SLC39A11: variants seen among roughly 807,000 people sequenced by gnomAD.
The protein encoded by SLC39A11 is zinc transporter ZIP11.
A neutral mutation model predicts 36.1 loss-of-function variants in SLC39A11; 33 were observed. The ratio of observed to expected loss-of-function variants is 0.91; its 90% CI spans 0.69 to 1.22. The LOEUF (loss-of-function observed/expected upper bound fraction) is 1.22. Ranked by LOEUF, SLC39A11 falls within the 50% of genes most tolerant of loss-of-function variation. The pLI, the probability that SLC39A11 is intolerant of heterozygous loss-of-function variation, is 0.00. For missense variants in SLC39A11, 432 were observed against 430.3 expected (o/e 1.00, Z -0.03); for synonymous variants, 166 against 170.3 (o/e 0.97, Z 0.20).
chr17:72,924,179 A>C (rs1353839668), intron 5 of SLC39A11, among the ~76,000 whole-genome samples: 5 of 88,152 alleles, frequency 5.7e-5, no homozygotes, highest in East Asian at 4.1e-4. Flanking sequence ...TTTTTTTTTT[A>C]AGGAAAGATG....
At chr17:72,901,409 C>T (rs1376268363) in intron 5 of SLC39A11, among the ~76,000 whole-genome samples, 2 of 152,070 alleles carry the variant, frequency 1.3e-5, no homozygotes, top group African/African-American at 4.8e-5. Flanking sequence ...AGAGCCCTGC[C>T]CTCTTGAGCT....
intron 5 of SLC39A11, among the ~76,000 whole-genome samples, chr17:72,923,935 A>C (rs9889439): frequency 6.6e-6 from 1 of 151,244 alleles, no homozygotes; most frequent in African/African-American, 2.4e-5. Flanking sequence ...TTTTGAGCCC[A>C]GGAGTTCAAG....
At chr17:72,997,275 A>G (rs1388415685) in intron 4 of SLC39A11, among the ~76,000 whole-genome samples, 1 of 152,048 alleles carries the variant, frequency 6.6e-6, no homozygotes, top group Non-Finnish European at 1.5e-5. Flanking sequence ...TTTTTTTGAG[A>G]TGGAGTCTCG....
At chr17:72,716,992 T>TATATACAC (rs773086532) in intron 7 of SLC39A11, among the ~76,000 whole-genome samples, 31 of 126,446 alleles carry the variant, frequency 2.5e-4, no homozygotes, top group African/African-American at 6.4e-4. Context: ...TATATATATA[T>TATATACAC]ACACACACAC....
At chr17:72,982,561 G>C (rs2088406088) in intron 4 of SLC39A11, among the ~76,000 whole-genome samples, 1 of 152,082 alleles carries the variant, frequency 6.6e-6, no homozygotes, top group Non-Finnish European at 1.5e-5. Flanking sequence ...CGTCTATTTT[G>C]CAAAAACCTT....
At position 72,941,077 on chromosome 17, in the gene SLC39A11, G is replaced by A. The variant is rs191881694; in HGVS notation, c.430+6675C>T. 5.8e-4 allele frequency among the ~76,000 whole-genome samples: 88 copies of A among 152,030 alleles called. 1 individual carries two copies. Among genetic ancestry groups the A allele is most frequent in the African/African-American group, 2.1e-3 (86 of 41,436 alleles). ...GCTTGAGCCCAGGAGTTCAAGACCA[G>A]CCTGGGCAACACGGCAAAATGCCAT... On this transcript the variant is annotated intron_variant, in intron 5 of 9. Transcript: ENST00000255559.
At position 72,647,387 on chromosome 17, in the gene SLC39A11, T is replaced by C; in HGVS notation, c.*197A>G. 4.5e-6 allele frequency: 2 copies of C among 442,126 alleles called. No individual in the cohort carries two copies. Among genetic ancestry groups the C allele is most frequent in the South Asian group, 7.7e-5 (2 of 25,916 alleles). The allele number at this position is 442,126 out of a possible 1,614,324, so 27.4% of individuals were successfully genotyped here. On this transcript the variant is annotated 3_prime_UTR_variant, in exon 10 of 10. Coordinates refer to ENST00000255559, the MANE Select transcript of SLC39A11 (RefSeq NM_139177.4). Reference sequence around the variant, plus strand: ...TCTGTATTTCCATGACACCTTAAAATTCCCCATTAAATCAAAAATCTCCCT... The same window carrying C: ...TCTGTATTTCCATGACACCTTAAAACTCCCCATTAAATCAAAAATCTCCCT...
chr17:72,735,068 C>T (rs2143947160), intron 7 of SLC39A11, among the ~76,000 whole-genome samples: 1 of 152,210 alleles, frequency 6.6e-6, no homozygotes, highest in African/African-American at 2.4e-5. Context: ...AAGGCTCTGC[C>T]CTCCTTGTCT....
chr17:73,015,657 C>T (rs1269689956), intron 4 of SLC39A11, among the ~76,000 whole-genome samples: 1 of 152,086 alleles, frequency 6.6e-6, no homozygotes, highest in Non-Finnish European at 1.5e-5. Context: ...GATCTTGGCT[C>T]ACTGCAACCC....
At chr17:73,029,541 G>A (rs1175723194) in intron 4 of SLC39A11, among the ~76,000 whole-genome samples, 2 of 152,044 alleles carry the variant, frequency 1.3e-5, no homozygotes, top group Non-Finnish European at 2.9e-5. Context: ...TCGGCAGCAA[G>A]GAAGCCACAT....
At chr17:72,902,854 A>G (rs931873143) in intron 5 of SLC39A11, among the ~76,000 whole-genome samples, 24 of 152,332 alleles carry the variant, frequency 1.6e-4, no homozygotes, top group African/African-American at 5.1e-4. Flanking sequence ...GCACCATTAC[A>G]GAACTATTAT....
intron 6 of SLC39A11, among the ~76,000 whole-genome samples, chr17:72,769,339 G>C (rs892924753): frequency 2.0e-5 from 3 of 152,142 alleles, no homozygotes; most frequent in Non-Finnish European, 4.4e-5. Context: ...AAAAACCCGT[G>C]CATTACATAC....
At chr17:72,712,312 G>T (rs1007631786) in intron 7 of SLC39A11, among the ~76,000 whole-genome samples, 1 of 152,172 alleles carries the variant, frequency 6.6e-6, no homozygotes, top group Admixed American at 6.5e-5. Context: ...CTAGCCTGCC[G>T]GGGGATAACA....
intron 4 of SLC39A11, among the ~76,000 whole-genome samples, chr17:73,010,775 C>T (rs59067019): frequency 0.065 from 9,867 of 152,246 alleles, 385 homozygotes; most frequent in Middle Eastern, 0.092. Flanking sequence ...TTGTCTCCTG[C>T]GTGTTTAATT....
intron 5 of SLC39A11, among the ~76,000 whole-genome samples, chr17:72,883,239 G>C (rs901169774): frequency 5.3e-5 from 8 of 152,180 alleles, no homozygotes; most frequent in African/African-American, 1.7e-4. Context: ...ACGCAGAGCA[G>C]GCCTCCTACT....
chr17:73,060,779 T>C (rs896002130), intron 3 of SLC39A11, among the ~76,000 whole-genome samples: 2 of 152,168 alleles, frequency 1.3e-5, no homozygotes, highest in Non-Finnish European at 1.5e-5. Context: ...TTACAATTTT[T>C]AGAAATTTGA....
intron 7 of SLC39A11, among the ~76,000 whole-genome samples, chr17:72,714,287 C>A (rs186959119): frequency 2.0e-4 from 31 of 152,034 alleles, no homozygotes; most frequent in African/African-American, 7.5e-4. Context: ...ACCTGGGAGG[C>A]GGAGGTTGCA....
chr17:72,950,675 G>C (rs566889263), intron 4 of SLC39A11, among the ~76,000 whole-genome samples: 2 of 152,290 alleles, frequency 1.3e-5, no homozygotes, highest in African/African-American at 4.8e-5. Flanking sequence ...GGAATAAAAG[G>C]AGAACCATTT....
At chr17:72,889,514 G>A (rs2081613992) in intron 5 of SLC39A11, among the ~76,000 whole-genome samples, 1 of 136,540 alleles carries the variant, frequency 7.3e-6, no homozygotes, top group African/African-American at 2.8e-5. Flanking sequence ...TCCAGCCTGG[G>A]TGACAGAGGG....
Sources: allele counts gnomAD v4.1 joint callset (sites outside exome capture counted in the v4.1 genomes callset), GRCh38; gene constraint gnomAD v4.1.1; transcripts MANE v1.5; gene names NCBI Gene and HGNC (gene_info 2026-07-23, HGNC 2026-07-21).